The following DSCAM variants were observed in gnomAD, a reference collection of about 807,000 sequenced individuals.
The protein encoded by DSCAM is DS cell adhesion molecule, also known as cell adhesion molecule DSCAM.
A neutral mutation model predicts 217.7 loss-of-function variants in DSCAM; 47 were observed. The ratio of observed to expected loss-of-function variants is 0.22; its 90% CI spans 0.17 to 0.28. The LOEUF is 0.28. Among genes scored for constraint, DSCAM ranks in the 10% least tolerant of loss-of-function variants. The pLI is 1.00. For synonymous variants in DSCAM, 1,056 were observed against 1,015.3 expected, an observed-to-expected ratio of 1.04 and a Z score of -0.76; for missense variants, 2,080 against 2,618.3, an observed-to-expected ratio of 0.79 and a Z score of 4.49.
At chr21:40,212,711 T>C (rs1194944851) in intron 11 of DSCAM, among the ~76,000 whole-genome samples, 3 of 152,160 alleles carry the variant, frequency 2.0e-5, no homozygotes, top group Admixed American at 2.0e-4. Flanking sequence ...CCTTCAAAAA[T>C]ATATCAACAT....
rs758407386 is a variant in DSCAM, at chr21:40,022,453, T to C, written c.5687-9067A>G. ...CCTTATTTCACTTTAATTCTACTTA[T>C]AAAGCATTGAATTCAACCAGGATAA... On this transcript the variant is annotated intron_variant, in intron 32 of 32. Transcript: ENST00000400454. 4.6e-5 allele frequency among the ~76,000 whole-genome samples: 7 copies of C among 152,254 alleles called. No individual in the cohort carries two copies. In the East Asian group the frequency reaches 1.3e-3, roughly 29 times the overall value.
At position 40,791,946 on chromosome 21, in the gene DSCAM, A is replaced by G. The variant is rs114332960; in HGVS notation, c.43+54673T>C. Among the ~76,000 whole-genome samples the G allele has an allele frequency of 2.7e-3, 414 of 152,138 alleles. 3 individuals carry two copies. The highest frequency in any genetic ancestry group is 9.4e-3 in the African/African-American group (391 of 41,510). On this transcript the variant is annotated intron_variant, in intron 1 of 32. Transcript: ENST00000400454. Reference sequence around the variant, plus strand: ...TGTCTTAGTTGGTCTGGGCTGCCATAGTGAAAGACCACAGACTCTGGATCT... The same window carrying G: ...TGTCTTAGTTGGTCTGGGCTGCCATGGTGAAAGACCACAGACTCTGGATCT...
chr21:40,536,638 C>T (rs1029112224), intron 3 of DSCAM, among the ~76,000 whole-genome samples: 3 of 152,132 alleles, frequency 2.0e-5, no homozygotes, highest in African/African-American at 7.2e-5. Flanking sequence ...GATCTCCTGA[C>T]CTCGTGATCC....
At chr21:40,439,408 T>C (rs1306577737) in intron 3 of DSCAM, among the ~76,000 whole-genome samples, 1 of 152,112 alleles carries the variant, frequency 6.6e-6, no homozygotes, top group African/African-American at 2.4e-5. Context: ...GAAAGTCAAG[T>C]TAAAGGTAGA....
At chr21:40,399,271 C>CAAAA (rs1491510303) in intron 3 of DSCAM, among the ~76,000 whole-genome samples, 1 of 100,258 alleles carries the variant, frequency 1.0e-5, no homozygotes, top group Non-Finnish European at 2.0e-5. Flanking sequence ...CCCTGTCTCA[C>CAAAA]AAAACAAAAC....
At chr21:40,542,942 GC>G (rs144739918) in intron 3 of DSCAM, among the ~76,000 whole-genome samples, 2,158 of 151,968 alleles carry the variant, frequency 0.014, 63 homozygotes, top group African/African-American at 0.048. Flanking sequence ...CTGAATACTG[GC>G]CCCTCACCCG....
At chr21:40,107,818 GTCTGTTTTGTCAGAA>G (rs1431390948) in intron 20 of DSCAM, among the ~76,000 whole-genome samples, 1 of 152,166 alleles carries the variant, frequency 6.6e-6, no homozygotes, top group South Asian at 2.1e-4. Context: ...TTGGTTTAAA[GTCTGTTTTGTCAGAA>G]ACTAGGATTG....
rs2089407162 is a variant in DSCAM at position 40,078,731 on chromosome 21, C to G, written c.4667G>C (p.Cys1556Ser). ...AGCGAAGTTGGCCTGCTTCTCCGCGCAGCCCGCACTGTTGCACACCCGCAT... is the reference window on the plus strand; with the variant it reads ...AGCGAAGTTGGCCTGCTTCTCCGCGGAGCCCGCACTGTTGCACACCCGCAT... ...LQMRVCNSAG[C>S]AEKQANFATL... The change falls in exon 26 of 33, where the codon TGC (cysteine) becomes TCC (serine). Residue 1556 changes from cysteine (C) to serine (S), a missense_variant. By Grantham distance (112) the Cys-to-Ser change is moderately radical (BLOSUM62 -1). Coordinates refer to ENST00000400454, the MANE Select transcript of DSCAM (RefSeq NM_001389.5). 6.2e-7 allele frequency: 1 copy of G among 1,614,140 alleles called. No homozygotes were observed. Among genetic ancestry groups the G allele is most frequent in the Non-Finnish European group, 8.5e-7 (1 of 1,180,058 alleles).
At chr21:40,080,122 T>C in intron 25 of DSCAM, 30 bp downstream of exon 25, 1 of 1,201,020 alleles carries the variant, frequency 8.3e-7, no homozygotes, top group Non-Finnish European at 1.1e-6. Context: ...AAAGAAAGGA[T>C]ATTAAGAAGC....
In DSCAM at chr21:40,056,077, G is replaced by C. The variant is rs988498997; in HGVS notation, c.4920-237C>G. On this transcript the variant is annotated intron_variant, in intron 28 of 32. Transcript: ENST00000400454. ...AAAATACAAATTGTCAATAGAGATT[G>C]GCTCTATATCTACCAATAGAATCTT... Among the ~76,000 whole-genome samples the C allele has an allele frequency of 3.9e-5, 6 of 152,154 alleles. No individual in the cohort carries two copies. In the South Asian group the frequency reaches 1.2e-3, roughly 32 times the overall value.
In DSCAM at chr21:40,303,183, TA is replaced by T. The variant is rs1033250446; in HGVS notation, c.2063-7010del. On this transcript the variant is annotated intron_variant, in intron 9 of 32. Transcript: ENST00000400454. ...AGATTTAATTTACGACACTGACAATTAAACCTATTGCTTTCCCATCATTCTG... is the reference window on the plus strand; with the variant it reads ...AGATTTAATTTACGACACTGACAATTAACCTATTGCTTTCCCATCATTCTG... Among the ~76,000 whole-genome samples, 66 of 152,294 alleles carry T rather than the reference TA, an allele frequency of 4.3e-4. 1 individual carries two copies. Among genetic ancestry groups the T allele is most frequent in the African/African-American group, 1.6e-3 (65 of 41,560 alleles).
At chr21:40,564,940 T>C (rs764764930) in intron 3 of DSCAM, among the ~76,000 whole-genome samples, 7 of 151,826 alleles carry the variant, frequency 4.6e-5, no homozygotes, top group Non-Finnish European at 7.4e-5. Context: ...CACCTGGAGA[T>C]TGGAAGGGAA....
intron 3 of DSCAM, among the ~76,000 whole-genome samples, chr21:40,594,085 G>A (rs1288599028): frequency 6.6e-6 from 1 of 152,034 alleles, no homozygotes; most frequent in Admixed American, 6.6e-5. Context: ...TTAATCTCAG[G>A]TGGCTATCAT....
intron 11 of DSCAM, among the ~76,000 whole-genome samples, chr21:40,229,681 T>C (rs1301081577): frequency 6.6e-6 from 1 of 152,234 alleles, no homozygotes; most frequent in Non-Finnish European, 1.5e-5. Flanking sequence ...ATCATTCTAC[T>C]TTATAGCTGA....
chr21:40,223,530 C>T (rs970503602), intron 11 of DSCAM, among the ~76,000 whole-genome samples: 13 of 127,054 alleles, frequency 1.0e-4, no homozygotes, highest in African/African-American at 2.5e-4. Context: ...ACATCTTTAA[C>T]GAAAATCTAA....
At chr21:40,640,856 G>A (rs9979852) in intron 3 of DSCAM, among the ~76,000 whole-genome samples, 70,145 of 151,804 alleles carry the variant, frequency 0.46, 16,601 homozygotes, top group Admixed American at 0.56. Flanking sequence ...AACACCACAC[G>A]CACACACACA....
At chr21:40,098,038 A>G (rs2146602725) in intron 20 of DSCAM, among the ~76,000 whole-genome samples, 1 of 151,148 alleles carries the variant, frequency 6.6e-6, no homozygotes, top group Admixed American at 6.6e-5. Context: ...ATATAAAAAC[A>G]CAAATAGGTT....
intron 1 of DSCAM, among the ~76,000 whole-genome samples, chr21:40,751,846 T>TA (rs1346862027): frequency 6.6e-6 from 1 of 152,126 alleles, no homozygotes; most frequent in African/African-American, 2.4e-5. Context: ...AAGTTACATT[T>TA]AAAAAATCAT....
At chr21:40,396,620 G>A (rs1295215203) in intron 3 of DSCAM, among the ~76,000 whole-genome samples, 2 of 151,952 alleles carry the variant, frequency 1.3e-5, no homozygotes, top group Non-Finnish European at 2.9e-5. Context: ...GAGAATGCAG[G>A]CCCCTAAAAC....
Sources: allele counts gnomAD v4.1 joint callset (sites outside exome capture counted in the v4.1 genomes callset), GRCh38; gene constraint gnomAD v4.1.1; transcripts MANE v1.5; gene names NCBI Gene and HGNC (gene_info 2026-07-23, HGNC 2026-07-21).